The following DNASE1 variants were observed in gnomAD, a reference collection of about 807,000 sequenced individuals.
DNASE1 encodes the protein deoxyribonuclease-1.
DNASE1 carries 40 observed loss-of-function variants against 33.9 expected under a neutral mutation model. That is an observed-to-expected ratio of 1.18 (90% confidence interval 0.92 to 1.54). The LOEUF (loss-of-function observed/expected upper bound fraction) is 1.54. DNASE1 is among the 40% of genes most tolerant of loss of function. DNASE1 has a pLI of 0.00. For missense variants in DNASE1, 518 were observed against 372.6 expected (o/e 1.39, Z -3.21); for synonymous variants, 216 against 160.0 (o/e 1.35, Z -2.64).
At chr16:3,662,036 G>A, downstream of DNASE1, 1 of 1,613,246 alleles carries the variant, frequency 6.2e-7, no homozygotes, top group Non-Finnish European at 8.5e-7. Context: ...CGCTCCTCCT[G>A]GGTCTTGGCC....
intron 1 of DNASE1, among the ~76,000 whole-genome samples, chr16:3,649,458 T>C (rs1246359258): frequency 2.6e-5 from 4 of 152,242 alleles, no homozygotes; most frequent in African/African-American, 9.6e-5. Context: ...AACACAGTGA[T>C]ATGTTTAATC....
intron 1 of DNASE1, among the ~76,000 whole-genome samples, chr16:3,632,142 A>G (rs938583105): frequency 3.9e-5 from 6 of 152,178 alleles, no homozygotes; most frequent in East Asian, 1.9e-4. Context: ...AATGTGATCT[A>G]TCTTGGTGAA....
intron 1 of DNASE1, among the ~76,000 whole-genome samples, chr16:3,634,573 G>A (rs150037988): frequency 1.1e-4 from 16 of 152,122 alleles, no homozygotes; most frequent in South Asian, 4.2e-4. Flanking sequence ...ATAGTGGTGC[G>A]ATCATAGCAC....
chr16:3,661,453 C>T (rs1596682282), downstream of DNASE1: 1 of 152,300 alleles, frequency 6.6e-6, no homozygotes, highest in African/African-American at 2.4e-5. Flanking sequence ...AAGCCCCAGA[C>T]ACGTGGACAA....
At position 3,633,428 on chromosome 16, in the gene DNASE1, G is replaced by A. The variant is rs370421984; in HGVS notation, c.-1358-7287G>A. 9.9e-5 allele frequency among the ~76,000 whole-genome samples: 15 copies of A among 152,194 alleles called. No homozygotes were observed. In the South Asian group the frequency reaches 3.1e-3, roughly 32 times the overall value. ...TTGAGACCAGCCTTGCTAACATGGT[G>A]AAACCCCATCTCTACTAAAAATACA... On this transcript the variant is annotated intron_variant and NMD_transcript_variant, in intron 1 of 11. Coordinates refer to the DNASE1 transcript ENST00000570769.
exon 10 of DNASE1, chr16:3,664,045 A>G (rs1596694855): frequency 4.1e-6 from 2 of 487,212 alleles, no homozygotes; most frequent in East Asian, 3.7e-5. Flanking sequence ...CCTGGGCGAG[A>G]GAGCAAGACT....
At chr16:3,649,201 T>G (rs757511727) in intron 1 of DNASE1, among the ~76,000 whole-genome samples, 1 of 152,224 alleles carries the variant, frequency 6.6e-6, no homozygotes, top group Non-Finnish European at 1.5e-5. Context: ...GGGCTGAGAT[T>G]AGGGACGGCA....
chr16:3,655,416 G>C lies in DNASE1; in HGVS notation c.43G>C (p.Ala15Pro). Reference sequence around the variant, plus strand: ...GCTGGGGGCGCTGCTGGCACTGGCGGCCCTACTGCAGGGGGCCGTGTCCCT... The same window carrying C: ...GCTGGGGGCGCTGCTGGCACTGGCGCCCCTACTGCAGGGGGCCGTGTCCCT... ...KLLGALLALAALLQGAVSLKI... is the reference protein window; with the variant it reads ...KLLGALLALAPLLQGAVSLKI... The change falls in exon 2 of 9, where the codon GCC becomes CCC. Residue 15 changes from alanine (A) to proline (P), a missense_variant. Coordinates refer to ENST00000246949, the MANE Select transcript of DNASE1 (RefSeq NM_005223.4). 2 of 1,614,104 alleles carry C rather than the reference G, an allele frequency of 1.2e-6. No individual in the cohort carries two copies. Among genetic ancestry groups the C allele is most frequent in the Admixed American group, 3.3e-5 (2 of 60,022 alleles).
rs2042490973 is a variant in DNASE1, at chr16:3,654,813, C to T, written c.-233C>T. ...ACTCTCAGGTGACGGCTCACATTTGCCCCAGGGAAGGTCACAGCTGCCTGA... is the reference window on the plus strand; with the variant it reads ...ACTCTCAGGTGACGGCTCACATTTGTCCCAGGGAAGGTCACAGCTGCCTGA... On this transcript the variant is annotated 5_prime_UTR_variant, in exon 1 of 9. Transcript: ENST00000246949. 4 of 403,384 alleles carry T rather than the reference C, an allele frequency of 9.9e-6. No homozygotes were observed. The highest frequency in any genetic ancestry group is 4.3e-5 in the Admixed American group (1 of 23,338). 25.0% of individuals were successfully genotyped at this position (403,384 alleles called of 1,614,324 possible). A position where few individuals can be genotyped will look rare whatever the true frequency, so the allele number is the denominator to read the frequency against.
At chr16:3,623,267 C>G (rs1203586862) in intron 1 of DNASE1, among the ~76,000 whole-genome samples, 1 of 151,752 alleles carries the variant, frequency 6.6e-6, no homozygotes, top group Non-Finnish European at 1.5e-5. Context: ...ATAAATAGCG[C>G]TGGGAAAATT....
intron 1 of DNASE1, among the ~76,000 whole-genome samples, chr16:3,627,894 G>A (rs976053603): frequency 1.3e-4 from 18 of 143,608 alleles, no homozygotes; most frequent in Non-Finnish European, 1.8e-4. Flanking sequence ...TCTGGGGTCC[G>A]TGGAGATTCC....
downstream of DNASE1, chr16:3,662,752 C>T (rs750853339): frequency 8.3e-6 from 7 of 848,364 alleles, no homozygotes; most frequent in African/African-American, 1.2e-4. Flanking sequence ...CACAGGGTCT[C>T]CACCTGACAC....
chr16:3,631,242 G>T (rs2041688780), intron 1 of DNASE1, among the ~76,000 whole-genome samples: 1 of 151,542 alleles, frequency 6.6e-6, no homozygotes, highest in African/African-American at 2.4e-5. Flanking sequence ...TTGGTCTGTT[G>T]CCCAGACTGG....
chr16:3,624,467 C>G (rs944262824), intron 1 of DNASE1, among the ~76,000 whole-genome samples: 1 of 152,178 alleles, frequency 6.6e-6, no homozygotes, highest in Non-Finnish European at 1.5e-5. Context: ...GAGCTCTAAA[C>G]CTTCAGAATG....
chr16:3,624,080 C>T (rs767797985), intron 1 of DNASE1, among the ~76,000 whole-genome samples: 105 of 152,092 alleles, frequency 6.9e-4, no homozygotes, highest in Non-Finnish European at 1.3e-3. Flanking sequence ...AGTGCAAGAC[C>T]AGCCTGGCCA....
chr16:3,640,055 G>C (rs916523335), upstream of DNASE1, among the ~76,000 whole-genome samples: 8 of 152,190 alleles, frequency 5.3e-5, no homozygotes, highest in Non-Finnish European at 1.2e-4. Context: ...GTCTGCAGTT[G>C]ACTTAGCTCT....
chr16:3,627,265 A>G (rs1000471673), intron 1 of DNASE1, among the ~76,000 whole-genome samples: 6 of 148,250 alleles, frequency 4.0e-5, no homozygotes, highest in African/African-American at 1.2e-4. Context: ...TAGTGTTTGC[A>G]TGACATATCC....
downstream of DNASE1, chr16:3,661,864 G>A (rs2043095413): frequency 3.1e-6 from 4 of 1,295,632 alleles, no homozygotes; most frequent in Non-Finnish European, 2.0e-6. Context: ...GCTCCTTATA[G>A]TTACCCACAT....
downstream of DNASE1, chr16:3,658,714 A>G: frequency 7.5e-7 from 1 of 1,333,900 alleles, no homozygotes; most frequent in Non-Finnish European, 1.0e-6. Flanking sequence ...TTTAGAGGAA[A>G]CCGCTGTTCC....
Sources: allele counts gnomAD v4.1 joint callset (sites outside exome capture counted in the v4.1 genomes callset), GRCh38; gene constraint gnomAD v4.1.1; transcripts MANE v1.5; gene names NCBI Gene and HGNC (gene_info 2026-07-23, HGNC 2026-07-21).